USP16: variants seen among roughly 807,000 people sequenced by gnomAD.
USP16 encodes ubiquitin carboxyl-terminal hydrolase 16.
Under a neutral mutation model 95.9 loss-of-function variants are expected in USP16, and 77 were observed. The ratio of observed to expected loss-of-function variants is 0.80; its 90% CI spans 0.67 to 0.97. The LOEUF is 0.97. USP16 is among the 50% of genes least tolerant of loss of function. The probability of loss-of-function intolerance (pLI) is 0.00; values close to 1 mark genes in which losing one functional copy is unlikely to be tolerated. For missense variants in USP16, 943 were observed against 959.9 expected (o/e 0.98, Z 0.23); for synonymous variants, 303 against 318.2 (o/e 0.95, Z 0.51).
At chr21:29,036,907 T>A (rs996045939) in intron 5 of USP16, among the ~76,000 whole-genome samples, 1 of 152,260 alleles carries the variant, frequency 6.6e-6, no homozygotes, top group African/African-American at 2.4e-5. Flanking sequence ...CCCACAGAAT[T>A]CATTAAAAAA....
At chr21:29,038,236 G>A in intron 6 of USP16, 99 bp from the exon 7 acceptor site, 2 of 738,136 alleles carry the variant, frequency 2.7e-6, no homozygotes, top group Non-Finnish European at 4.5e-6. Flanking sequence ...TTCAGTGTTG[G>A]TCATGATTTT....
At chr21:29,036,243 T>C in intron 4 of USP16, 28 bp from the exon 5 acceptor site, 1 of 1,571,874 alleles carries the variant, frequency 6.4e-7, no homozygotes, top group East Asian at 2.3e-5. Context: ...CATTTTGTCA[T>C]TTTTCATCTC....
At chr21:29,046,549 C>T (rs1188049229) in intron 13 of USP16, 118 bp from the exon 14 acceptor site, 2 of 1,063,420 alleles carry the variant, frequency 1.9e-6, no homozygotes, top group African/African-American at 1.6e-5. Flanking sequence ...GATTGACAAG[C>T]AGCAAAACTG....
intron 8 of USP16, 142 bp from the exon 9 acceptor site, chr21:29,039,339 C>T (rs2085210069): frequency 3.6e-6 from 4 of 1,114,616 alleles, no homozygotes; most frequent in Non-Finnish European, 4.8e-6. Flanking sequence ...GTTAAATCTC[C>T]CAAGGGTGTT....
intron 1 of USP16, among the ~76,000 whole-genome samples, chr21:29,026,020 G>A (rs773909956): frequency 2.0e-5 from 3 of 152,250 alleles, no homozygotes; most frequent in Non-Finnish European, 4.4e-5. Flanking sequence ...GTTCAGTGGA[G>A]AGGTTTATTT....
chr21:29,028,020 A>G, intron 2 of USP16, 46 bp downstream of exon 2: 1 of 1,419,736 alleles, frequency 7.0e-7, no homozygotes, highest in Non-Finnish European at 9.9e-7. Flanking sequence ...CTCTAAATGA[A>G]TATGTTTTAA....
intron 16 of USP16, 132 bp downstream of exon 16, chr21:29,050,310 A>G (rs1266955463): frequency 1.5e-6 from 1 of 685,074 alleles, no homozygotes; most frequent in African/African-American, 1.8e-5. Context: ...TGATCATTGT[A>G]CCTTTATAAT....
Position 29,053,931 on chromosome 21 carries a change from C to A in USP16, c.2323C>A (p.Leu775Ile), listed in dbSNP as rs769986465. Residue 775 changes from leucine (L) to isoleucine (I), a missense_variant, in exon 17 of 18, where the codon CTT becomes ATT. By Grantham distance (5) the Leu-to-Ile change is conservative (BLOSUM62 2). Coordinates refer to ENST00000399976, the MANE Select transcript of USP16 (RefSeq NM_006447.3). ...ARTANSHLSN[L>I]VLHGDIPQDF... ...AACCGCAAATAGTCATCTCTCTAAT[C>A]TTGTTCTTCACGGTGATATTCCACA... 6.2e-7 allele frequency: 1 copy of A among 1,614,242 alleles called. No homozygotes were observed.
chr21:29,049,211 G>A (rs571036214), intron 15 of USP16, among the ~76,000 whole-genome samples: 3 of 152,064 alleles, frequency 2.0e-5, no homozygotes, highest in East Asian at 1.9e-4. Flanking sequence ...TTGTTTTTAC[G>A]GACCCTTGAT....
chr21:29,052,070 T>C (rs988282424), intron 16 of USP16: 5 of 152,132 alleles, frequency 3.3e-5, no homozygotes, highest in African/African-American at 1.2e-4. Flanking sequence ...AAGTGATACA[T>C]GTGATTGAAG....
In USP16 at chr21:29,046,835, T is replaced by C. The variant is rs1352407421; in HGVS notation, c.1525T>C (p.Cys509Arg). The change falls in exon 14 of 18, where the codon TGT becomes CGT. Residue 509 changes from cysteine to arginine, a missense_variant. Transcript: ENST00000399976. ...SQEGVMHKEY[C>R]VNQKDLNGQA... ...AGAGGGTGTTATGCATAAAGAATATTGTGTCAACCAGAAAGATTTGAATGG... is the reference window on the plus strand; with the variant it reads ...AGAGGGTGTTATGCATAAAGAATATCGTGTCAACCAGAAAGATTTGAATGG... The C allele has an allele frequency of 6.2e-7, 1 of 1,614,010 alleles. No homozygotes were observed. The highest frequency in any genetic ancestry group is 1.3e-5 in the African/African-American group (1 of 74,934).
chr21:29,029,869 A>C lies in USP16; in HGVS notation c.62-726A>C, dbSNP rs182588973. On this transcript the variant is annotated intron_variant, in intron 2 of 17. Transcript: ENST00000399976. ...ATACTCAGTAGTTATGTGGGTACTA[A>C]ATCTTAGTTTTCTCATTTGTCATTG... Among the ~76,000 whole-genome samples, 181 of 152,272 alleles carry C rather than the reference A, an allele frequency of 1.2e-3. 1 individual carries two copies. The highest frequency in any genetic ancestry group is 3.6e-3 in the African/African-American group (148 of 41,550).
chr21:29,027,342 C>T (rs1247456582), intron 1 of USP16, among the ~76,000 whole-genome samples: 3 of 152,218 alleles, frequency 2.0e-5, no homozygotes, highest in Non-Finnish European at 2.9e-5. Context: ...AAATGTACAA[C>T]AGTGTATCAC....
intron 1 of USP16, chr21:29,026,623 C>T (rs1408298841): frequency 7.6e-6 from 1 of 131,642 alleles, no homozygotes; most frequent in African/African-American, 2.8e-5. Flanking sequence ...CTCAAGCCGT[C>T]CTCCCACCTC....
chr21:29,039,849 T>G (rs2085217957), intron 9 of USP16, among the ~76,000 whole-genome samples: 1 of 152,192 alleles, frequency 6.6e-6, no homozygotes, highest in African/African-American at 2.4e-5. Context: ...CGAAGAGAGC[T>G]GCCAAATATT....
chr21:29,047,078 AT>A lies in USP16; in HGVS notation c.1769del (p.Ile590LysfsTer3). The A allele has an allele frequency of 6.2e-7, 1 of 1,614,098 alleles. No individual in the cohort carries two copies. Among genetic ancestry groups the A allele is most frequent in the Non-Finnish European group, 8.5e-7 (1 of 1,180,018 alleles). On this transcript the variant is annotated frameshift_variant, in exon 14 of 18. Transcript: ENST00000399976. LOFTEE classifies it high-confidence loss of function. The part of the protein sequence containing the change: ...NLNAALHPDE[I>X]NIEILNDSHT... The stretch of plus-strand genomic sequence containing the variant: ...GAATGCTGCTCTTCATCCTGATGAA[AT>A]AAATATAGAGATTCTGAATGATAGT...
intron 10 of USP16, among the ~76,000 whole-genome samples, chr21:29,041,302 G>A (rs1022984272): frequency 6.6e-6 from 1 of 152,154 alleles, no homozygotes; most frequent in Non-Finnish European, 1.5e-5. Context: ...GCCAGTAATG[G>A]AGAGAATTAC....
At chr21:29,027,812 C>G in intron 1 of USP16, 61 bp from the exon 2 acceptor site, 1 of 1,176,954 alleles carries the variant, frequency 8.5e-7, no homozygotes, top group South Asian at 1.3e-5. Flanking sequence ...ATTACTGTCT[C>G]CTAGAGAAAT....
In USP16 at chr21:29,046,967, C is replaced by G; in HGVS notation, c.1657C>G (p.Pro553Ala). ...TGATCTGGAGGTTTTAACATCTTCT[C>G]CCACTAGGAATTTAAATGGTGCCTA... ...DNDLEVLTSS[P>A]TRNLNGAYLT... The change falls in exon 14 of 18, where the codon CCC becomes GCC. Residue 553 changes from proline to alanine, a missense_variant. By Grantham distance (27) the Pro-to-Ala change is conservative (BLOSUM62 -1). Transcript: ENST00000399976. 1 of 1,614,060 alleles carries G rather than the reference C, an allele frequency of 6.2e-7. No individual in the cohort carries two copies. The highest frequency in any genetic ancestry group is 1.1e-5 in the South Asian group (1 of 91,080).
Sources: gnomAD v4.1 joint callset for allele counts (sites outside exome capture counted in the v4.1 genomes callset) on GRCh38, gnomAD v4.1.1 for gene constraint, MANE v1.5 for transcripts, NCBI Gene and HGNC (gene_info 2026-07-23, HGNC 2026-07-21) for gene names.